Variants in PIK3CD observed in about 807,000 individuals in gnomAD.
The protein encoded by PIK3CD is phosphatidylinositol 4,5-bisphosphate 3-kinase catalytic subunit delta isoform.
Under a neutral mutation model 122.9 loss-of-function variants are expected in PIK3CD, and 20 were observed. That is an observed-to-expected ratio of 0.16 (90% CI 0.11 to 0.24). The LOEUF (loss-of-function observed/expected upper bound fraction) is 0.24. Ranked by LOEUF, PIK3CD falls within the 10% of genes least tolerant of loss-of-function variation. The pLI, the probability that PIK3CD is intolerant of heterozygous loss-of-function variation, is 1.00. For synonymous variants in PIK3CD, 596 were observed against 593.4 expected, an observed-to-expected ratio of 1.00 and a Z score of -0.06; for missense variants, 787 against 1,406.3, an observed-to-expected ratio of 0.56 and a Z score of 7.04.
chr1:9,638,038 T>C, the PIK3CD span, among the ~76,000 whole-genome samples: 2 of 151,088 alleles, frequency 1.3e-5, no homozygotes, highest in Non-Finnish European at 3.0e-5. Flanking sequence ...ACCCGGGAGG[T>C]AGAGGTTGCA....
chr1:9,650,445 C>A (rs1385234794), upstream of PIK3CD, among the ~76,000 whole-genome samples: 3 of 151,310 alleles, frequency 2.0e-5, no homozygotes, highest in East Asian at 5.8e-4. Context: ...AGAAACAAAA[C>A]AACAAAAAAC....
intron 2 of PIK3CD, among the ~76,000 whole-genome samples, chr1:9,697,019 G>A (rs1179852786): frequency 1.3e-5 from 2 of 148,826 alleles, no homozygotes; most frequent in Admixed American, 6.9e-5. Context: ...AGCTGTACTT[G>A]TGACACTGCA....
At chr1:9,705,389 T>G (rs1231126775) in intron 2 of PIK3CD, among the ~76,000 whole-genome samples, 2 of 150,124 alleles carry the variant, frequency 1.3e-5, no homozygotes, top group African/African-American at 4.9e-5. Flanking sequence ...CCCAGCTACC[T>G]GGGAGCCTGA....
chr1:9,698,637 A>G (rs2100590374), intron 2 of PIK3CD, among the ~76,000 whole-genome samples: 1 of 152,348 alleles, frequency 6.6e-6, no homozygotes, highest in Middle Eastern at 3.4e-3. Flanking sequence ...CACATTGAAT[A>G]TCTTTGTGTA....
Position 9,717,420 on chromosome 1 carries a change from TG to T in PIK3CD, c.931-115del. 9.4e-7 allele frequency: 1 copy of T among 1,061,468 alleles called. No individual in the cohort carries two copies. The highest frequency in any genetic ancestry group is 1.5e-6 in the Non-Finnish European group (1 of 689,230). 65.8% of individuals were successfully genotyped at this position (1,061,468 alleles called of 1,614,324 possible). ...ATAGCATTGTGGACAGGCCCAAACC[TG>T]GCCGCAAACCTGTGACCCTCTCACC... On this transcript the variant is annotated intron_variant, in intron 7 of 23. Transcript: ENST00000377346. The surrounding 1 kb of genome is among the most constrained non-coding windows in gnomAD (Gnocchi z 5.4).
At position 9,722,499 on chromosome 1, in the gene PIK3CD, G is replaced by C. The variant is rs375728582; in HGVS notation, c.2348-29G>C. ...AGCAGAGAACCTACCAGAAACTCACGCTTCTCCTCCCACCGGCCGGTGGCA... is the reference window on the plus strand; with the variant it reads ...AGCAGAGAACCTACCAGAAACTCACCCTTCTCCTCCCACCGGCCGGTGGCA... On this transcript the variant is annotated intron_variant, in intron 18 of 23. Transcript: ENST00000377346. This position sits in a 1 kb window ranked among gnomAD's most constrained non-coding sequence, Gnocchi z 7.6. 1.2e-6 allele frequency: 2 copies of C among 1,602,556 alleles called. No individual in the cohort carries two copies. The highest frequency in any genetic ancestry group is 2.2e-5 in the South Asian group (2 of 90,828).
Position 9,715,829 on chromosome 1 carries a change from CAGCCCT to C in PIK3CD, c.371-19_371-14del. The stretch of plus-strand genomic sequence containing the variant: ...GCCCTGCCTGCCCCACCCGCTGACC[CAGCCCT>C]CCCCACCCCGCAGGCCTCCACGAGT... On this transcript the variant is annotated splice_polypyrimidine_tract_variant and intron_variant, in intron 4 of 23. Transcript: ENST00000377346. The surrounding 1 kb of genome is among the most constrained non-coding windows in gnomAD (Gnocchi z 4.1). 1.9e-6 allele frequency: 3 copies of C among 1,603,142 alleles called. No homozygotes were observed. The highest frequency in any genetic ancestry group is 2.6e-6 in the Non-Finnish European group (3 of 1,171,498).
intron 3 of PIK3CD, among the ~76,000 whole-genome samples, chr1:9,712,058 G>A (rs991932645): frequency 1.3e-5 from 2 of 151,724 alleles, no homozygotes; most frequent in Non-Finnish European, 2.9e-5. Context: ...CACCACGCCC[G>A]GCTAATTTTT....
the PIK3CD span, among the ~76,000 whole-genome samples, chr1:9,646,072 G>A: frequency 1.3e-5 from 2 of 151,868 alleles, no homozygotes; most frequent in Admixed American, 6.6e-5. Context: ...GCACCTGGCC[G>A]AAAGTGAAAC....
At chr1:9,645,411 T>C in the PIK3CD span, among the ~76,000 whole-genome samples, 1 of 152,036 alleles carries the variant, frequency 6.6e-6, no homozygotes, top group Non-Finnish European at 1.5e-5. Context: ...AAAAAGGAAG[T>C]GTATCAGGTT....
At chr1:9,701,372 G>A (rs935207996) in intron 2 of PIK3CD, among the ~76,000 whole-genome samples, 1 of 152,110 alleles carries the variant, frequency 6.6e-6, no homozygotes, top group Non-Finnish European at 1.5e-5. Context: ...GAATGATGGA[G>A]ACAAAACATA....
At chr1:9,712,605 T>C (rs1266140430) in intron 3 of PIK3CD, among the ~76,000 whole-genome samples, 1 of 152,174 alleles carries the variant, frequency 6.6e-6, no homozygotes, top group African/African-American at 2.4e-5. Flanking sequence ...TTAAAAGCTA[T>C]AATTGGGAGC....
At chr1:9,708,245 G>A (rs567347500) in intron 2 of PIK3CD, among the ~76,000 whole-genome samples, 3 of 151,792 alleles carry the variant, frequency 2.0e-5, no homozygotes, top group African/African-American at 4.8e-5. Context: ...GTGCAGTGGC[G>A]CAATCTGCTC....
At chr1:9,656,616 G>T (rs753748082) in intron 1 of PIK3CD, among the ~76,000 whole-genome samples, 1 of 151,986 alleles carries the variant, frequency 6.6e-6, no homozygotes, top group African/African-American at 2.4e-5. Context: ...CTACAACTTG[G>T]GCAACATTGC....
rs116694189 is a variant in PIK3CD at position 9,715,328 on chromosome 1, C to T, written c.142-213C>T. On this transcript the variant is annotated intron_variant, in intron 3 of 23. Transcript: ENST00000377346. This position sits in a 1 kb window ranked among gnomAD's most constrained non-coding sequence, Gnocchi z 4.1. ...TGCCAGCCCCAGATCCCAGCACCTC[C>T]CAGGTGCCCCCACAGAAGGGCATCA... Among the ~76,000 whole-genome samples the T allele has an allele frequency of 0.011, 1,681 of 152,294 alleles. 39 individuals carry two copies. The highest frequency in any genetic ancestry group is 0.038 in the African/African-American group (1,600 of 41,564).
upstream of PIK3CD, among the ~76,000 whole-genome samples, chr1:9,651,191 T>C (rs138651808): frequency 2.4e-3 from 365 of 152,198 alleles, 3 homozygotes; most frequent in African/African-American, 8.4e-3. Flanking sequence ...AAGGACAGCT[T>C]TTCAGATCTA....
chr1:9,657,232 T>G (rs531082044), intron 1 of PIK3CD, among the ~76,000 whole-genome samples: 1 of 152,270 alleles, frequency 6.6e-6, no homozygotes, highest in East Asian at 1.9e-4. Flanking sequence ...TAGAAATCAT[T>G]TCAAGATCCT....
intron 1 of PIK3CD, chr1:9,654,105 C>G: frequency 8.6e-7 from 1 of 1,165,450 alleles, no homozygotes; most frequent in South Asian, 1.3e-5. Flanking sequence ...GTTGCCTGCT[C>G]CAGAGACAAC....
intron 1 of PIK3CD, among the ~76,000 whole-genome samples, chr1:9,657,305 G>A (rs1215255174): frequency 2.0e-5 from 3 of 152,098 alleles, no homozygotes; most frequent in Non-Finnish European, 2.9e-5. Context: ...TAATGTCCAG[G>A]TCCTGGGGGT....
Sources: gnomAD v4.1 joint callset for allele counts (sites outside exome capture counted in the v4.1 genomes callset) on GRCh38, gnomAD v4.1.1 for gene constraint, Gnocchi (gnomAD v3.1) non-coding constraint, MANE v1.5 for transcripts, NCBI Gene and HGNC (gene_info 2026-07-23, HGNC 2026-07-21) for gene names.